Variants in CRADD observed in about 807,000 individuals in gnomAD.
CRADD encodes the protein CARD and death domain containing adaptor protein, also known as death domain-containing protein CRADD.
Under a neutral mutation model 15.5 loss-of-function variants are expected in CRADD, and 9 were observed. The ratio of observed to expected loss-of-function variants is 0.58; its 90% confidence interval spans 0.35 to 1.01. CRADD has a LOEUF of 1.01. Ranked by LOEUF, CRADD falls within the 50% of genes least tolerant of loss-of-function variation. The pLI, the probability that CRADD is intolerant of heterozygous loss-of-function variation, is 0.02. For missense variants in CRADD, 227 were observed against 250.3 expected (o/e 0.91, Z 0.63); for synonymous variants, 118 against 107.6 (o/e 1.10, Z -0.60).
At chr12:93,779,626 G>A (rs1350235629) in intron 2 of CRADD, among the ~76,000 whole-genome samples, 1 of 144,296 alleles carries the variant, frequency 6.9e-6, no homozygotes, top group Non-Finnish European at 1.5e-5. Flanking sequence ...GTCTCACTCT[G>A]TCACCCAGGC....
intron 2 of CRADD, among the ~76,000 whole-genome samples, chr12:93,875,866 A>G (rs1030764794): frequency 2.6e-5 from 4 of 152,090 alleles, no homozygotes; most frequent in Non-Finnish European, 5.9e-5. Context: ...TACAGTGTTA[A>G]AATAGTCTGT....
intron 2 of CRADD, among the ~76,000 whole-genome samples, chr12:93,735,186 G>T (rs574073608): frequency 6.6e-6 from 1 of 152,152 alleles, no homozygotes; most frequent in African/African-American, 2.4e-5. Context: ...AACCCAGAGC[G>T]GCACAAGCGA....
chr12:93,818,136 A>C (rs1270550556), intron 2 of CRADD, among the ~76,000 whole-genome samples: 2 of 152,122 alleles, frequency 1.3e-5, no homozygotes, highest in Non-Finnish European at 2.9e-5. Flanking sequence ...TTAAGATAAA[A>C]ATTCCTCCTA....
At chr12:93,786,033 G>C (rs989999323) in intron 2 of CRADD, among the ~76,000 whole-genome samples, 1 of 152,172 alleles carries the variant, frequency 6.6e-6, no homozygotes, top group African/African-American at 2.4e-5. Flanking sequence ...GAATAGCAAA[G>C]GTCACAGACT....
At chr12:93,735,982 T>C (rs980430401) in intron 2 of CRADD, among the ~76,000 whole-genome samples, 1 of 151,772 alleles carries the variant, frequency 6.6e-6, no homozygotes, top group Admixed American at 6.6e-5. Flanking sequence ...CCTTGAACCC[T>C]GGAGGCGGAG....
intron 2 of CRADD, among the ~76,000 whole-genome samples, chr12:93,832,874 A>G (rs1051699400): frequency 2.0e-5 from 3 of 152,250 alleles, no homozygotes; most frequent in African/African-American, 7.2e-5. Flanking sequence ...CAGTGTTGTC[A>G]TTAATGTTGA....
At chr12:93,747,072 C>G (rs1170311812) in intron 2 of CRADD, among the ~76,000 whole-genome samples, 1 of 151,982 alleles carries the variant, frequency 6.6e-6, no homozygotes. Context: ...TTTGGGGTTT[C>G]AGATTAGTGG....
intron 2 of CRADD, among the ~76,000 whole-genome samples, chr12:93,770,492 T>C (rs1243246541): frequency 6.6e-6 from 1 of 152,222 alleles, no homozygotes; most frequent in Admixed American, 6.5e-5. Context: ...GTTGAAAAGT[T>C]AGGGTTAAGT....
chr12:93,795,089 A>G (rs1253886352), intron 2 of CRADD, among the ~76,000 whole-genome samples: 4 of 152,088 alleles, frequency 2.6e-5, no homozygotes, highest in African/African-American at 9.7e-5. Flanking sequence ...GTGTTTATGT[A>G]TTATTTTTTT....
intron 2 of CRADD, among the ~76,000 whole-genome samples, chr12:93,783,828 GC>G (rs1957239762): frequency 6.6e-6 from 1 of 152,140 alleles, no homozygotes. Context: ...GTGAAATTCT[GC>G]ACATCCCTTG....
intron 2 of CRADD, among the ~76,000 whole-genome samples, chr12:93,847,181 G>A (rs570017623): frequency 1.3e-5 from 2 of 152,244 alleles, no homozygotes; most frequent in South Asian, 4.1e-4. Flanking sequence ...TAAAGTTTCA[G>A]TATTTAGACC....
intron 2 of CRADD, among the ~76,000 whole-genome samples, chr12:93,842,101 T>A (rs568306647): frequency 7.0e-6 from 1 of 143,208 alleles, no homozygotes; most frequent in South Asian, 2.3e-4. Flanking sequence ...TTCCAGCAGC[T>A]ATTTGTGTGT....
intron 2 of CRADD, among the ~76,000 whole-genome samples, chr12:93,729,087 G>A (rs1956419151): frequency 1.3e-5 from 2 of 152,050 alleles, no homozygotes; most frequent in South Asian, 4.1e-4. Flanking sequence ...ACACTAAATG[G>A]GATGATAAAG....
chr12:93,837,077 T>C (rs906166812), intron 2 of CRADD, among the ~76,000 whole-genome samples: 1 of 152,108 alleles, frequency 6.6e-6, no homozygotes, highest in African/African-American at 2.4e-5. Flanking sequence ...GAACAGCTCG[T>C]GCAAGGCTCT....
chr12:93,818,218 A>G (rs1203231411), intron 2 of CRADD, among the ~76,000 whole-genome samples: 3 of 152,250 alleles, frequency 2.0e-5, no homozygotes, highest in African/African-American at 7.2e-5. Flanking sequence ...GTGAAGAGCC[A>G]GACTATTATC....
intron 2 of CRADD, among the ~76,000 whole-genome samples, chr12:93,841,293 C>G (rs1958044218): frequency 6.6e-6 from 1 of 152,166 alleles, no homozygotes; most frequent in Non-Finnish European, 1.5e-5. Flanking sequence ...TTTTCCTCTT[C>G]TTGTATTCTT....
chr12:93,702,926 T>C (rs1955868772), intron 2 of CRADD, among the ~76,000 whole-genome samples: 2 of 152,202 alleles, frequency 1.3e-5, no homozygotes, highest in Admixed American at 1.3e-4. Flanking sequence ...TAAATTCCCT[T>C]CCGATTCATT....
At chr12:93,751,040 T>G (rs1004087204) in intron 2 of CRADD, among the ~76,000 whole-genome samples, 1 of 152,220 alleles carries the variant, frequency 6.6e-6, no homozygotes, top group Non-Finnish European at 1.5e-5. Context: ...CTGTGTCTAC[T>G]ATACTCTTTC....
Position 93,850,191 on chromosome 12 carries a change from C to T in CRADD, c.520C>T (p.Gln174Ter). The change falls in exon 3 of 3, where the codon CAG (glutamine) becomes TAG (stop). Residue 174 changes from glutamine to a stop codon, truncating the protein, a stop_gained. Transcript: ENST00000332896. LOFTEE classifies it high-confidence loss of function. The surrounding 1 kb of genome is among the most constrained non-coding windows in gnomAD (Gnocchi z 4.0). Reference sequence around the variant, plus strand: ...CCGTTGGCGGCAGCGCTTCGGGAAGCAGGCCACCTTCCAGAGCCTGCACAA... The same window carrying T: ...CCGTTGGCGGCAGCGCTTCGGGAAGTAGGCCACCTTCCAGAGCCTGCACAA... Reference protein sequence around the residue: ...FIRWRQRFGKQATFQSLHNGL... With the variant: ...FIRWRQRFGK The T allele has an allele frequency of 6.2e-7, 1 of 1,613,648 alleles. No homozygotes were observed. Among genetic ancestry groups the T allele is most frequent in the Non-Finnish European group, 8.5e-7 (1 of 1,179,716 alleles).
Sources: gnomAD v4.1 joint callset for allele counts (sites outside exome capture counted in the v4.1 genomes callset) on GRCh38, gnomAD v4.1.1 for gene constraint, Gnocchi (gnomAD v3.1) non-coding constraint, MANE v1.5 for transcripts, NCBI Gene and HGNC (gene_info 2026-07-23, HGNC 2026-07-21) for gene names.